ALDH6A1: variants seen among roughly 807,000 people sequenced by gnomAD.
ALDH6A1 encodes aldehyde dehydrogenase 6 family member A1.
In ALDH6A1, 43 loss-of-function variants were observed where a neutral mutation model predicts 62.6. The ratio of observed to expected loss-of-function variants is 0.69; its 90% CI spans 0.54 to 0.89. ALDH6A1 has a LOEUF of 0.89. Ranked by LOEUF, ALDH6A1 falls within the 40% of genes least tolerant of loss-of-function variation. The pLI is 0.00. For missense variants in ALDH6A1, 551 were observed against 661.3 expected (o/e 0.83, Z 1.83); for synonymous variants, 194 against 234.2 (o/e 0.83, Z 1.57).
In ALDH6A1 at chr14:74,059,344, T is replaced by C. The variant is rs191334537; in HGVS notation, c.*1298A>G. On this transcript the variant is annotated 3_prime_UTR_variant, in exon 12 of 12. Coordinates refer to ENST00000553458, the MANE Select transcript of ALDH6A1 (RefSeq NM_005589.4). Reference sequence around the variant, plus strand: ...CAGGTGTCTTACCCATTTTCATGGTTGGAACAATCCTTGATTTCTGGGCCT... The same window carrying C: ...CAGGTGTCTTACCCATTTTCATGGTCGGAACAATCCTTGATTTCTGGGCCT... 21 of 456,380 alleles carry C rather than the reference T, an allele frequency of 4.6e-5. No individual in the cohort carries two copies. 28.3% of individuals were successfully genotyped at this position (456,380 alleles called of 1,614,324 possible).
In ALDH6A1 at chr14:74,060,310, C is replaced by A; in HGVS notation, c.*332G>T. On this transcript the variant is annotated 3_prime_UTR_variant, in exon 12 of 12. Transcript: ENST00000553458. Reference sequence around the variant, plus strand: ...CCACCGCGCCTGGCTGGAACATTTTCTTTACATACACTGGCTTTTCTCCCC... The same window carrying A: ...CCACCGCGCCTGGCTGGAACATTTTATTTACATACACTGGCTTTTCTCCCC... 1 of 299,994 alleles carries A rather than the reference C, an allele frequency of 3.3e-6. No homozygotes were observed. Among genetic ancestry groups the A allele is most frequent in the Non-Finnish European group, 6.5e-6 (1 of 154,584 alleles). The allele number at this position is 299,994 out of a possible 1,614,324, so 18.6% of individuals were successfully genotyped here. A position where few individuals can be genotyped will look rare whatever the true frequency, so the allele number is the denominator to read the frequency against.
At chr14:74,063,693 C>G (rs2060397442) in intron 11 of ALDH6A1, among the ~76,000 whole-genome samples, 1 of 151,120 alleles carries the variant, frequency 6.6e-6, no homozygotes, top group African/African-American at 2.4e-5. Context: ...TGGTGAAACC[C>G]TATCTCCACT....
intron 11 of ALDH6A1, among the ~76,000 whole-genome samples, chr14:74,063,723 A>C (rs10129682): frequency 6.6e-6 from 1 of 150,550 alleles, no homozygotes. Context: ...AAAATTAGCC[A>C]AGTGTGGTGG....
rs143969493 is a variant in ALDH6A1 at position 74,075,842 on chromosome 14, G to T, written c.49-825C>A. ...GGAAACAACCCAATGTCTACCATTG[G>T]ATGGGTGAATAAGGAAACTAATGTG... On this transcript the variant is annotated intron_variant, in intron 1 of 11. Coordinates refer to ENST00000553458, the MANE Select transcript of ALDH6A1 (RefSeq NM_005589.4). Among the ~76,000 whole-genome samples, 45 of 152,224 alleles carry T rather than the reference G, an allele frequency of 3.0e-4. 1 individual carries two copies. The East Asian group carries it at 8.3e-3, about 28-fold the overall frequency.
At chr14:74,071,804 G>A in intron 5 of ALDH6A1, 92 bp downstream of exon 5, 1 of 1,510,178 alleles carries the variant, frequency 6.6e-7, no homozygotes, top group Non-Finnish European at 9.2e-7. Flanking sequence ...CAAAATCTAT[G>A]TAAAGGAAGA....
chr14:74,083,832 C>A (rs2060694062), intron 1 of ALDH6A1, among the ~76,000 whole-genome samples: 1 of 152,200 alleles, frequency 6.6e-6, no homozygotes, highest in African/African-American at 2.4e-5. Context: ...GAAGGAAATT[C>A]AAAGTTCATA....
chr14:74,066,039 T>G (rs2060457910), intron 9 of ALDH6A1: 1 of 154,800 alleles, frequency 6.5e-6, no homozygotes, highest in Non-Finnish European at 1.4e-5. Flanking sequence ...AATTTTTAAG[T>G]CATGTTAGCT....
rs1488687479 is a variant in ALDH6A1 at position 74,071,785 on chromosome 14, A to G, written c.427+111T>C. 7 of 1,478,650 alleles carry G rather than the reference A, an allele frequency of 4.7e-6. No homozygotes were observed. In the East Asian group the frequency reaches 1.1e-4, roughly 24 times the overall value. The allele number at this position is 1,478,650 out of a possible 1,614,324, so 91.6% of individuals were successfully genotyped here. On this transcript the variant is annotated intron_variant, in intron 5 of 11. Coordinates refer to ENST00000553458, the MANE Select transcript of ALDH6A1 (RefSeq NM_005589.4). The stretch of plus-strand genomic sequence containing the variant: ...TTTCACAAGTATTAAAAAAGATATC[A>G]TGGGATGGCAAAATCTATGTAAAGG...
At chr14:74,076,764 G>C (rs935435450) in intron 1 of ALDH6A1, among the ~76,000 whole-genome samples, 1 of 151,932 alleles carries the variant, frequency 6.6e-6, no homozygotes, top group African/African-American at 2.4e-5. Flanking sequence ...TGGCCTGGCT[G>C]GTCTCAAACT....
intron 1 of ALDH6A1, among the ~76,000 whole-genome samples, chr14:74,077,413 T>C (rs980783451): frequency 1.3e-5 from 2 of 152,094 alleles, no homozygotes; most frequent in African/African-American, 2.4e-5. Flanking sequence ...TAAGGAAAAG[T>C]AGTTTATTTA....
At chr14:74,069,262 C>G in intron 6 of ALDH6A1, 3 of 364,852 alleles carry the variant, frequency 8.2e-6, no homozygotes, top group Non-Finnish European at 1.6e-5. Context: ...CACCACCATG[C>G]CTGCCTAATT....
rs1566833520 is a variant in ALDH6A1 at position 74,071,913 on chromosome 14, TCTC to T, written c.407_409del (p.Gly136del). On this transcript the variant is annotated inframe_deletion, in exon 5 of 12. Coordinates refer to ENST00000553458, the MANE Select transcript of ALDH6A1 (RefSeq NM_005589.4). ...CAGCTTACGAAGGCCTCGAAATACA[TCTC>T]CTTCAGCATCAGCTAGGGTCTTCCC... is the stretch of plus-strand genomic sequence containing the variant. 1.9e-6 allele frequency: 3 copies of T among 1,614,168 alleles called. No homozygotes were observed. The highest frequency in any genetic ancestry group is 4.5e-5 in the East Asian group (2 of 44,876).
In ALDH6A1 at chr14:74,057,429, CA is replaced by C; in HGVS notation, c.*3212del. Reference sequence around the variant, plus strand: ...ATAAATTTTTAAAGCAATATCCGTACAAATGCATATTATACTAATGCAAATG... The same window carrying C: ...ATAAATTTTTAAAGCAATATCCGTACAATGCATATTATACTAATGCAAATG... On this transcript the variant is annotated 3_prime_UTR_variant, in exon 12 of 12. Coordinates refer to ENST00000553458, the MANE Select transcript of ALDH6A1 (RefSeq NM_005589.4). 1 of 1,510,660 alleles carries C rather than the reference CA, an allele frequency of 6.6e-7. No individual in the cohort carries two copies. Among genetic ancestry groups the C allele is most frequent in the Non-Finnish European group, 8.8e-7 (1 of 1,132,870 alleles). The allele number at this position is 1,510,660 out of a possible 1,614,324, so 93.6% of individuals were successfully genotyped here. A position where few individuals can be genotyped will look rare whatever the true frequency, so the allele number is the denominator to read the frequency against.
At chr14:74,069,850 CTTTT>C (rs779619553) in intron 6 of ALDH6A1, among the ~76,000 whole-genome samples, 4 of 122,548 alleles carry the variant, frequency 3.3e-5, no homozygotes, top group Admixed American at 8.3e-5. Context: ...CTAATCTAAC[CTTTT>C]TTTTTTTTTT....
rs1212005033 is a variant in ALDH6A1, at chr14:74,067,572, A to G, written c.853-3T>C. On this transcript the variant is annotated splice_polypyrimidine_tract_variant and splice_region_variant and intron_variant, in intron 7 of 11. Coordinates refer to ENST00000553458, the MANE Select transcript of ALDH6A1 (RefSeq NM_005589.4). ...ACTACCCCATGGTTCTTGGCTCCCTAAAAAAAAATGCAGAAAGCACATGAG... is the reference window on the plus strand; with the variant it reads ...ACTACCCCATGGTTCTTGGCTCCCTGAAAAAAAATGCAGAAAGCACATGAG... 2 of 1,546,126 alleles carry G rather than the reference A, an allele frequency of 1.3e-6. No individual in the cohort carries two copies. Among genetic ancestry groups the G allele is most frequent in the South Asian group, 1.1e-5 (1 of 89,612 alleles).
intron 11 of ALDH6A1, among the ~76,000 whole-genome samples, chr14:74,062,922 A>G (rs890795452): frequency 3.3e-5 from 5 of 152,146 alleles, no homozygotes; most frequent in African/African-American, 9.7e-5. Context: ...CCCCTAGCCT[A>G]TTTGTTCAAC....
At chr14:74,080,736 C>T (rs931555632) in intron 1 of ALDH6A1, among the ~76,000 whole-genome samples, 1 of 152,214 alleles carries the variant, frequency 6.6e-6, no homozygotes, top group Non-Finnish European at 1.5e-5. Context: ...AGCCATCACA[C>T]CCAGCCTACT....
chr14:74,083,992 G>A (rs1415581352), intron 1 of ALDH6A1, among the ~76,000 whole-genome samples: 1 of 152,308 alleles, frequency 6.6e-6, no homozygotes, highest in African/African-American at 2.4e-5. Flanking sequence ...GGGAGAGAGA[G>A]AAGGCTGGTG....
chr14:74,057,840 A>G lies in ALDH6A1; in HGVS notation c.*2802T>C, dbSNP rs1441831172. On this transcript the variant is annotated 3_prime_UTR_variant, in exon 12 of 12. Coordinates refer to ENST00000553458, the MANE Select transcript of ALDH6A1 (RefSeq NM_005589.4). ...ATCTAAGAAATAAGAAACTCTGAGC[A>G]GCAAATAGTTGGCCAGATGAGTTGT... The G allele has an allele frequency of 1.9e-6, 2 of 1,034,662 alleles. No individual in the cohort carries two copies. Among genetic ancestry groups the G allele is most frequent in the African/African-American group, 3.5e-5 (2 of 57,860 alleles). 64.1% of individuals were successfully genotyped at this position (1,034,662 alleles called of 1,614,324 possible).
Sources: allele counts gnomAD v4.1 joint callset (sites outside exome capture counted in the v4.1 genomes callset), GRCh38; gene constraint gnomAD v4.1.1; transcripts MANE v1.5; gene names NCBI Gene and HGNC (gene_info 2026-07-23, HGNC 2026-07-21).